The following DSCAM variants were observed in gnomAD, a reference collection of about 807,000 sequenced individuals.
The protein encoded by DSCAM is DS cell adhesion molecule, also known as cell adhesion molecule DSCAM.
A neutral mutation model predicts 217.7 loss-of-function variants in DSCAM; 47 were observed. The ratio of observed to expected loss-of-function variants is 0.22; its 90% confidence interval spans 0.17 to 0.28. The LOEUF (loss-of-function observed/expected upper bound fraction) is 0.28. Ranked by LOEUF, DSCAM falls within the 10% of genes least tolerant of loss-of-function variation. DSCAM has a pLI of 1.00. For synonymous variants in DSCAM, 1,056 were observed against 1,015.3 expected (o/e 1.04, Z -0.76); for missense variants, 2,080 against 2,618.3 (o/e 0.79, Z 4.49).
intron 3 of DSCAM, among the ~76,000 whole-genome samples, chr21:40,385,527 C>T (rs946559229): frequency 1.3e-5 from 2 of 152,170 alleles, no homozygotes; most frequent in African/African-American, 2.4e-5. Flanking sequence ...CCTCGGCACC[C>T]ACATAAGAGA....
chr21:40,587,156 T>C (rs1248123731), intron 3 of DSCAM, among the ~76,000 whole-genome samples: 1 of 152,072 alleles, frequency 6.6e-6, no homozygotes, highest in East Asian at 1.9e-4. Flanking sequence ...CAAGGGTCCA[T>C]TGGAGAGGAT....
In DSCAM at chr21:40,708,559, AGG is replaced by A; in HGVS notation, c.254_255del (p.Pro85LeufsTer12). On this transcript the variant is annotated frameshift_variant, in exon 2 of 33. Coordinates refer to ENST00000400454, the MANE Select transcript of DSCAM (RefSeq NM_001389.5). LOFTEE classifies it high-confidence loss of function. ...VHPNGTLQIF[P>X]FPPSSFSTLI... ...AAGGTACTGAAGCTTGAAGGAGGGA[AGG>A]GGAAAATTTGGAGAGTGCCGTTGGG... 6.2e-7 allele frequency: 1 copy of A among 1,600,684 alleles called. No homozygotes were observed. Among genetic ancestry groups the A allele is most frequent in the Non-Finnish European group, 8.5e-7 (1 of 1,171,806 alleles).
At chr21:40,535,236 G>T (rs184763025) in intron 3 of DSCAM, among the ~76,000 whole-genome samples, 4 of 152,174 alleles carry the variant, frequency 2.6e-5, no homozygotes, top group Admixed American at 6.5e-5. Flanking sequence ...AGTGCTTCAT[G>T]TGAATAAGCA....
intron 30 of DSCAM, among the ~76,000 whole-genome samples, chr21:40,050,680 A>G (rs1276653308): frequency 6.6e-6 from 1 of 152,112 alleles, no homozygotes; most frequent in Admixed American, 6.6e-5. Flanking sequence ...ACGAGGTTTC[A>G]CCATGTTAGC....
intron 1 of DSCAM, among the ~76,000 whole-genome samples, chr21:40,719,188 C>A (rs918640435): frequency 6.6e-6 from 1 of 151,978 alleles, no homozygotes; most frequent in African/African-American, 2.4e-5. Flanking sequence ...ATATAAATGG[C>A]CAATAAGCAC....
intron 11 of DSCAM, among the ~76,000 whole-genome samples, chr21:40,243,500 G>C (rs2073181150): frequency 6.6e-6 from 1 of 152,108 alleles, no homozygotes; most frequent in Non-Finnish European, 1.5e-5. Context: ...GTGCAAAATG[G>C]AAATGTGAAG....
chr21:40,095,789 T>G (rs2146596688), intron 20 of DSCAM, among the ~76,000 whole-genome samples: 1 of 152,308 alleles, frequency 6.6e-6, no homozygotes, highest in South Asian at 2.1e-4. Flanking sequence ...GACATTAGAT[T>G]TATGCAAACA....
chr21:40,495,753 A>T (rs2076113248), intron 3 of DSCAM, among the ~76,000 whole-genome samples: 1 of 152,208 alleles, frequency 6.6e-6, no homozygotes, highest in African/African-American at 2.4e-5. Flanking sequence ...CACTGTTTGC[A>T]GGCTACATAT....
At chr21:40,683,612 A>C (rs1473794295) in intron 3 of DSCAM, among the ~76,000 whole-genome samples, 1 of 152,140 alleles carries the variant, frequency 6.6e-6, no homozygotes, top group South Asian at 2.1e-4. Flanking sequence ...TGATGAAAAG[A>C]GGTCCTAGAA....
At chr21:40,324,320 T>A (rs533517789) in intron 8 of DSCAM, among the ~76,000 whole-genome samples, 2 of 152,010 alleles carry the variant, frequency 1.3e-5, no homozygotes, top group South Asian at 4.2e-4. Context: ...AAGATGCAAG[T>A]TGGATACAAT....
intron 1 of DSCAM, among the ~76,000 whole-genome samples, chr21:40,819,995 T>C (rs2091912516): frequency 6.6e-6 from 1 of 151,820 alleles, no homozygotes; most frequent in Admixed American, 6.6e-5. Context: ...TGGAGAAAAA[T>C]AATGTGTGTA....
intron 3 of DSCAM, among the ~76,000 whole-genome samples, chr21:40,453,672 C>T (rs776566559): frequency 1.2e-4 from 18 of 152,134 alleles, no homozygotes; most frequent in Non-Finnish European, 1.5e-4. Flanking sequence ...AAAAGTAGAA[C>T]ATCAAAGTGC....
At chr21:40,637,075 A>G (rs1425055616) in intron 3 of DSCAM, among the ~76,000 whole-genome samples, 2 of 131,894 alleles carry the variant, frequency 1.5e-5, no homozygotes, top group Non-Finnish European at 3.1e-5. Context: ...AAGGTTGGGT[A>G]TTTTTCAAAA....
At chr21:40,492,594 G>T (rs975219124) in intron 3 of DSCAM, among the ~76,000 whole-genome samples, 2 of 150,710 alleles carry the variant, frequency 1.3e-5, no homozygotes, top group East Asian at 3.9e-4. Context: ...TCGAGGAGCA[G>T]AAAAATGCAA....
At chr21:40,685,553 G>T (rs370336813) in intron 3 of DSCAM, among the ~76,000 whole-genome samples, 2 of 152,290 alleles carry the variant, frequency 1.3e-5, no homozygotes, top group African/African-American at 4.8e-5. Context: ...CTCATTGCTG[G>T]AGAAATTAAG....
chr21:40,546,028 C>T (rs2076579731), intron 3 of DSCAM, among the ~76,000 whole-genome samples: 1 of 152,234 alleles, frequency 6.6e-6, no homozygotes, highest in Non-Finnish European at 1.5e-5. Context: ...GGTCGTAATA[C>T]TTAAATGATG....
chr21:40,492,499 G>T (rs1194632746), intron 3 of DSCAM, among the ~76,000 whole-genome samples: 1 of 151,852 alleles, frequency 6.6e-6, no homozygotes, highest in Non-Finnish European at 1.5e-5. Flanking sequence ...CTGAGATCAG[G>T]AAACAATAAA....
intron 11 of DSCAM, among the ~76,000 whole-genome samples, chr21:40,241,356 A>G (rs890382344): frequency 6.6e-6 from 1 of 152,234 alleles, no homozygotes; most frequent in Non-Finnish European, 1.5e-5. Context: ...TCAAAAGAAG[A>G]CAAACATGTA....
At chr21:40,322,816 C>T (rs1259974048) in intron 8 of DSCAM, among the ~76,000 whole-genome samples, 6 of 152,332 alleles carry the variant, frequency 3.9e-5, no homozygotes, top group Middle Eastern at 3.4e-3. Context: ...TGAGCCACCA[C>T]GCCCGGCCAG....
Sources: allele counts gnomAD v4.1 joint callset (sites outside exome capture counted in the v4.1 genomes callset), GRCh38; gene constraint gnomAD v4.1.1; transcripts MANE v1.5; gene names NCBI Gene and HGNC (gene_info 2026-07-23, HGNC 2026-07-21).